Variants in MRGPRX2 observed in about 807,000 individuals in gnomAD.
MRGPRX2 encodes the protein MAS related GPR family member X2, also known as mas-related G protein-coupled receptor member X2.
For synonymous variants in MRGPRX2, 183 were observed against 175.6 expected (o/e 1.04, Z -0.33); for missense variants, 389 against 404.5 (o/e 0.96, Z 0.33).
rs1849613431 is a variant in MRGPRX2 at position 19,055,990 on chromosome 11, C to T, written c.413G>A (p.Arg138His). The change falls in exon 2 of 2, where the codon CGC (arginine) becomes CAC (histidine). Residue 138 changes from arginine (R) to histidine (H), a missense_variant. Arg to His is a conservative substitution (Grantham distance 29). Transcript: ENST00000329773. Reference sequence around the variant, plus strand: ...TGACAGGTGTCTGGGGCGGCGGCAGCGATACCAGATGGGCCACAGGACGGA... The same window carrying T: ...TGACAGGTGTCTGGGGCGGCGGCAGTGATACCAGATGGGCCACAGGACGGA... The part of the protein sequence containing the change: ...CLSVLWPIWY[R>H]CRRPRHLSAV... 14 of 1,614,058 alleles carry T rather than the reference C, an allele frequency of 8.7e-6. No individual in the cohort carries two copies. Among genetic ancestry groups the T allele is most frequent in the Non-Finnish European group, 1.2e-5 (14 of 1,180,046 alleles).
intron 1 of MRGPRX2, 145 bp from the exon 2 acceptor site, chr11:19,056,572 A>G: frequency 3.8e-6 from 3 of 784,426 alleles, no homozygotes; most frequent in Non-Finnish European, 6.1e-6. Flanking sequence ...AGGGCCAGGG[A>G]GTCCTAGCAC....
intron 1 of MRGPRX2, among the ~76,000 whole-genome samples, chr11:19,059,735 T>C (rs551778398): frequency 6.6e-6 from 1 of 152,308 alleles, no homozygotes; most frequent in South Asian, 2.1e-4. Flanking sequence ...TATTAGGATC[T>C]CATGTCCATC....
At chr11:19,057,294 G>A (rs544010499) in intron 1 of MRGPRX2, among the ~76,000 whole-genome samples, 3 of 152,340 alleles carry the variant, frequency 2.0e-5, no homozygotes, top group Admixed American at 6.5e-5. Context: ...TGCCTACACA[G>A]ATAGTGAATA....
At chr11:19,056,467 C>T in intron 1 of MRGPRX2, 40 bp from the exon 2 acceptor site, 1 of 1,543,784 alleles carries the variant, frequency 6.5e-7, no homozygotes, top group Non-Finnish European at 8.8e-7. Flanking sequence ...GCTGCATGTT[C>T]ACTGATTTTC....
intron 1 of MRGPRX2, among the ~76,000 whole-genome samples, chr11:19,058,677 C>T (rs527531814): frequency 1.4e-3 from 212 of 152,186 alleles, no homozygotes; most frequent in East Asian, 3.9e-3. Context: ...CTGCCCGCCT[C>T]GGCCTCCCAA....
At chr11:19,057,585 A>G (rs1849630964) in intron 1 of MRGPRX2, among the ~76,000 whole-genome samples, 1 of 152,206 alleles carries the variant, frequency 6.6e-6, no homozygotes, top group Non-Finnish European at 1.5e-5. Flanking sequence ...AAATTAAAGC[A>G]TTTGTGAACA....
chr11:19,055,438 G>C lies in MRGPRX2; in HGVS notation c.965C>G (p.Pro322Arg). ...CACCAGACTGCTTCTCGACATCTCC[G>C]GGGTGCCCTGACGGAAGCATCCTTC... Reference protein sequence around the residue: ...HSEGCFRQGTPEMSRSSLV With the variant: ...HSEGCFRQGTREMSRSSLV The change falls in exon 2 of 2, where the codon CCG (proline) becomes CGG (arginine). Residue 322 changes from proline to arginine, a missense_variant. Coordinates refer to ENST00000329773, the MANE Select transcript of MRGPRX2 (RefSeq NM_054030.4). 1 of 1,609,202 alleles carries C rather than the reference G, an allele frequency of 6.2e-7. No homozygotes were observed. Among genetic ancestry groups the C allele is most frequent in the South Asian group, 1.1e-5 (1 of 91,010 alleles).
chr11:19,058,330 C>T (rs1223247255), intron 1 of MRGPRX2, among the ~76,000 whole-genome samples: 2 of 152,122 alleles, frequency 1.3e-5, no homozygotes, highest in African/African-American at 4.8e-5. Context: ...CCTGGTTGGC[C>T]TTGTGAGGAT....
rs976207081 is a variant in MRGPRX2, at chr11:19,054,871, G to T, written c.*539C>A. ...TCTGGTAAATGGAGACTTTTCAGAG[G>T]TTTAACTTAAACATTAACCAGTTTA... is the stretch of plus-strand genomic sequence containing the variant. On this transcript the variant is annotated 3_prime_UTR_variant, in exon 2 of 2. Transcript: ENST00000329773. 1 of 152,188 alleles carries T rather than the reference G, an allele frequency of 6.6e-6. No homozygotes were observed. Among genetic ancestry groups the T allele is most frequent in the African/African-American group, 2.4e-5 (1 of 41,436 alleles). The allele number at this position is 152,188 out of a possible 1,614,324, so 9.4% of individuals were successfully genotyped here. A position where few individuals can be genotyped will look rare whatever the true frequency, so the allele number is the denominator to read the frequency against.
Position 19,055,535 on chromosome 11 carries a change from G to T in MRGPRX2, c.868C>A (p.Arg290=), listed in dbSNP as rs111606529. 2 of 1,614,024 alleles carry T rather than the reference G, an allele frequency of 1.2e-6. No homozygotes were observed. The highest frequency in any genetic ancestry group is 2.2e-5 in the South Asian group (2 of 91,088). The change falls in exon 2 of 2, where the codon CGG becomes AGG. Residue 290 remains arginine, a synonymous_variant. Transcript: ENST00000329773. ...FFVGSFRKQW[R]LQQPILKLAL... Reference sequence around the variant, plus strand: ...AGCTTGAGGATCGGCTGCTGCAGCCGCCACTGCTTCCTAAAAGAGCCCACG... The same window carrying T: ...AGCTTGAGGATCGGCTGCTGCAGCCTCCACTGCTTCCTAAAAGAGCCCACG...
intron 1 of MRGPRX2, among the ~76,000 whole-genome samples, chr11:19,057,332 G>T (rs777034475): frequency 5.3e-5 from 8 of 152,182 alleles, no homozygotes; most frequent in Admixed American, 2.0e-4. Context: ...TTCAATCCAG[G>T]AAGGGCTAGT....
At chr11:19,059,529 C>A (rs1019864959) in intron 1 of MRGPRX2, among the ~76,000 whole-genome samples, 2 of 151,902 alleles carry the variant, frequency 1.3e-5, no homozygotes, top group African/African-American at 4.8e-5. Context: ...TTTTTCCCAA[C>A]CACATTCCAT....
chr11:19,055,350 CAG>C lies in MRGPRX2; in HGVS notation c.*58_*59del. 2.0e-6 allele frequency: 3 copies of C among 1,518,214 alleles called. No individual in the cohort carries two copies. Among genetic ancestry groups the C allele is most frequent in the Non-Finnish European group, 1.8e-6 (2 of 1,127,262 alleles). The allele number at this position is 1,518,214 out of a possible 1,614,324, so 94.0% of individuals were successfully genotyped here. On this transcript the variant is annotated 3_prime_UTR_variant, in exon 2 of 2. Coordinates refer to ENST00000329773, the MANE Select transcript of MRGPRX2 (RefSeq NM_054030.4). ...GAGAAAGTTCAGCAAATCAGACAGA[CAG>C]GGGCAAAGTTGCCTCTCAAAGCCAC...
intron 1 of MRGPRX2, among the ~76,000 whole-genome samples, chr11:19,058,796 G>A (rs1364401245): frequency 6.6e-6 from 1 of 152,092 alleles, no homozygotes; most frequent in African/African-American, 2.4e-5. Flanking sequence ...CATTTTTGTT[G>A]TGGTTGTTCA....
At position 19,055,390 on chromosome 11, in the gene MRGPRX2, G is replaced by C. The variant is rs372185877; in HGVS notation, c.*20C>G. 1 of 1,582,160 alleles carries C rather than the reference G, an allele frequency of 6.3e-7. No homozygotes were observed. Among genetic ancestry groups the C allele is most frequent in the African/African-American group, 1.4e-5 (1 of 73,958 alleles). On this transcript the variant is annotated 3_prime_UTR_variant, in exon 2 of 2. Coordinates refer to ENST00000329773, the MANE Select transcript of MRGPRX2 (RefSeq NM_054030.4). ...CTCTCAAAGCCACATATATCTGATG[G>C]AAGTAGAGGCTGTCCATCTCTACAC...
rs1428316399 is a variant in MRGPRX2, at chr11:19,056,398, T to G, written c.5A>C (p.Asp2Ala). Residue 2 changes from aspartate (D) to alanine (A), a missense_variant, in exon 2 of 2, where the codon GAT becomes GCT. Physicochemically the swap from Asp to Ala is moderately radical, Grantham distance 126. Transcript: ENST00000329773. ...TGTTCCCCAGGCCGGGGTGGTTGGA[T>G]CCATGCTCAGAAAACCTCCACTGGT... is the stretch of plus-strand genomic sequence containing the variant. M[D>A]PTTPAWGTES... 1.2e-6 allele frequency: 2 copies of G among 1,606,788 alleles called. No individual in the cohort carries two copies. The highest frequency in any genetic ancestry group is 8.5e-7 in the Non-Finnish European group (1 of 1,174,398).
At chr11:19,057,538 C>A (rs1372175168) in intron 1 of MRGPRX2, among the ~76,000 whole-genome samples, 2 of 152,018 alleles carry the variant, frequency 1.3e-5, no homozygotes, top group African/African-American at 4.8e-5. Context: ...TAAGGTGGAC[C>A]CATTACTTCC....
chr11:19,055,424 T>C lies in MRGPRX2; in HGVS notation c.979A>G (p.Ser327Gly). ...GCTGTCCATCTCTACACCAGACTGCTTCTCGACATCTCCGGGGTGCCCTGA... is the reference window on the plus strand; with the variant it reads ...GCTGTCCATCTCTACACCAGACTGCCTCTCGACATCTCCGGGGTGCCCTGA... ...FRQGTPEMSR[S>G]SLV Residue 327 changes from serine to glycine, a missense_variant, in exon 2 of 2, where the codon AGC (serine) becomes GGC (glycine). Physicochemically the swap from Ser to Gly is moderately conservative, Grantham distance 56. Coordinates refer to ENST00000329773, the MANE Select transcript of MRGPRX2 (RefSeq NM_054030.4). 2 of 1,605,890 alleles carry C rather than the reference T, an allele frequency of 1.2e-6. No homozygotes were observed. The highest frequency in any genetic ancestry group is 1.7e-6 in the Non-Finnish European group (2 of 1,173,092).
intron 1 of MRGPRX2, among the ~76,000 whole-genome samples, chr11:19,057,683 T>C (rs1388399082): frequency 6.6e-6 from 1 of 152,244 alleles, no homozygotes; most frequent in Non-Finnish European, 1.5e-5. Flanking sequence ...CAGATGCTTA[T>C]GCAAATTACA....
Sources: gnomAD v4.1 joint callset for allele counts (sites outside exome capture counted in the v4.1 genomes callset) on GRCh38, gnomAD v4.1.1 for gene constraint, MANE v1.5 for transcripts, NCBI Gene and HGNC (gene_info 2026-07-23, HGNC 2026-07-21) for gene names.